SIMC1: variants seen among roughly 807,000 people sequenced by gnomAD.
SIMC1 encodes SUMO-interacting motif-containing protein 1.
A neutral mutation model predicts 82.3 loss-of-function variants in SIMC1; 55 were observed. That is an observed-to-expected ratio of 0.67 (90% CI 0.54 to 0.84). The LOEUF is 0.84. Among genes scored for constraint, SIMC1 ranks in the 40% least tolerant of loss-of-function variants. The pLI is 0.00. For synonymous variants in SIMC1, 353 were observed against 426.3 expected (o/e 0.83, Z 2.12); for missense variants, 915 against 1,107.2 (o/e 0.83, Z 2.46).
At chr5:176,339,951 G>A (rs1336011448) in intron 9 of SIMC1, among the ~76,000 whole-genome samples, 3 of 152,158 alleles carry the variant, frequency 2.0e-5, no homozygotes, top group Admixed American at 1.3e-4. Context: ...TGCCTTCTGC[G>A]AGTGGTCTGT....
intron 5 of SIMC1, among the ~76,000 whole-genome samples, chr5:176,318,125 A>G (rs1227879898): frequency 6.6e-6 from 1 of 152,176 alleles, no homozygotes; most frequent in Non-Finnish European, 1.5e-5. Flanking sequence ...GTGAAGTTAC[A>G]AAGTTATACT....
At chr5:176,313,376 T>C in intron 4 of SIMC1, 1 of 1,528,774 alleles carries the variant, frequency 6.5e-7, no homozygotes. Context: ...GAGATTCCAG[T>C]AGATATCTGA....
Position 176,335,104 on chromosome 5 carries a change from AAAAAAT to A in SIMC1, c.2172-1613_2172-1608del, listed in dbSNP as rs928323296. On this transcript the variant is annotated intron_variant, in intron 7 of 9. Coordinates refer to ENST00000429602, the MANE Select transcript of SIMC1 (RefSeq NM_001308195.2). The stretch of plus-strand genomic sequence containing the variant: ...AGAGCGAAACTCTGTCTCAAAAAAA[AAAAAAT>A]AATAATAATAATCATCACAGTCCTT... 3.9e-4 allele frequency among the ~76,000 whole-genome samples: 39 copies of A among 100,100 alleles called. No homozygotes were observed. In the East Asian group the frequency reaches 4.9e-3, roughly 13 times the overall value. The allele number at this position is 100,100 out of a possible 152,430, so 65.7% of individuals were successfully genotyped here. A position where few individuals can be genotyped will look rare whatever the true frequency, so the allele number is the denominator to read the frequency against.
chr5:176,302,592 T>C (rs1189843840), intron 4 of SIMC1, among the ~76,000 whole-genome samples: 1 of 151,772 alleles, frequency 6.6e-6, no homozygotes, highest in Non-Finnish European at 1.5e-5. Flanking sequence ...GCATCCAAAT[T>C]AGAAAGGGAG....
intron 4 of SIMC1, among the ~76,000 whole-genome samples, chr5:176,306,823 C>T (rs1047217194): frequency 2.6e-5 from 4 of 151,734 alleles, no homozygotes; most frequent in African/African-American, 7.2e-5. Flanking sequence ...CCTTTGTTCA[C>T]TTGTTTATCT....
chr5:176,343,380 T>C (rs1428375448), intron 9 of SIMC1, among the ~76,000 whole-genome samples: 1 of 152,218 alleles, frequency 6.6e-6, no homozygotes, highest in Non-Finnish European at 1.5e-5. Flanking sequence ...CCCAGAACTC[T>C]CTCAATACAT....
At chr5:176,271,719 G>A (rs931928470) in intron 1 of SIMC1, among the ~76,000 whole-genome samples, 2 of 151,392 alleles carry the variant, frequency 1.3e-5, no homozygotes, top group Admixed American at 1.3e-4. Flanking sequence ...ATGACTGAGG[G>A]AGTACAATTG....
chr5:176,269,802 G>T (rs1762348151), intron 1 of SIMC1, among the ~76,000 whole-genome samples: 1 of 152,120 alleles, frequency 6.6e-6, no homozygotes, highest in Non-Finnish European at 1.5e-5. Context: ...CTGGAGTGCA[G>T]TGGTGACCCC....
intron 1 of SIMC1, among the ~76,000 whole-genome samples, chr5:176,248,674 G>A (rs1416224372): frequency 1.3e-5 from 2 of 152,082 alleles, no homozygotes; most frequent in African/African-American, 4.8e-5. Flanking sequence ...GGGCATCCTT[G>A]TCTTGTGCTG....
chr5:176,273,496 A>G (rs947175690), intron 1 of SIMC1, among the ~76,000 whole-genome samples: 1 of 152,136 alleles, frequency 6.6e-6, no homozygotes, highest in African/African-American at 2.4e-5. Context: ...CAGAGCAGAA[A>G]AGCTGAAAAA....
chr5:176,308,123 G>T, intron 4 of SIMC1: 3 of 922,784 alleles, frequency 3.3e-6, no homozygotes, highest in Non-Finnish European at 1.8e-6. Flanking sequence ...CACTTTCCTT[G>T]TTTGTCTCAA....
intron 1 of SIMC1, among the ~76,000 whole-genome samples, chr5:176,268,269 T>G: frequency 1.1e-5 from 1 of 94,326 alleles, no homozygotes; most frequent in Non-Finnish European, 2.1e-5. Context: ...ATAGAAGAAA[T>G]AGGAAAGAGA....
At chr5:176,329,685 T>C (rs1479314583) in intron 7 of SIMC1, among the ~76,000 whole-genome samples, 1 of 152,156 alleles carries the variant, frequency 6.6e-6, no homozygotes, top group East Asian at 1.9e-4. Context: ...CAAAATGAAC[T>C]GAACTCTAGT....
chr5:176,249,840 T>C (rs1453778933), intron 1 of SIMC1, among the ~76,000 whole-genome samples: 2 of 32,614 alleles, frequency 6.1e-5, no homozygotes, highest in African/African-American at 1.9e-4. Flanking sequence ...CGAGATTCCG[T>C]CTCAAAAAAA....
chr5:176,306,792 T>A (rs1581286736), intron 4 of SIMC1, among the ~76,000 whole-genome samples: 2 of 151,522 alleles, frequency 1.3e-5, no homozygotes, highest in African/African-American at 4.8e-5. Context: ...CGCAGGGTCC[T>A]CTGCCTAGGA....
At chr5:176,325,586 T>C (rs1201770654) in intron 7 of SIMC1, among the ~76,000 whole-genome samples, 1 of 151,398 alleles carries the variant, frequency 6.6e-6, no homozygotes, top group Non-Finnish European at 1.5e-5. Context: ...CTCAGGAGGC[T>C]GAGGCAGGAG....
chr5:176,290,606 G>C lies in SIMC1; in HGVS notation c.1082G>C (p.Arg361Thr). The C allele has an allele frequency of 1.2e-6, 2 of 1,613,974 alleles. No homozygotes were observed. The highest frequency in any genetic ancestry group is 1.7e-6 in the Non-Finnish European group (2 of 1,179,898). ...TCAGGGGACGTGACACACTCACCTA[G>C]AGACATCCCTCACTTACCAGGAGAC... ...HSSGDVTHSP[R>T]DIPHLPGDRP... The change falls in exon 2 of 10, where the codon AGA becomes ACA. Residue 361 changes from arginine (R) to threonine (T), a missense_variant. Arg to Thr is a moderately conservative substitution (Grantham distance 71, BLOSUM62 -1). This residue lies in a region of SIMC1 where 902 missense variants were observed against 1,040.3 expected (regional missense o/e 0.87). Transcript: ENST00000429602.
chr5:176,304,933 G>C (rs975614565), intron 4 of SIMC1, among the ~76,000 whole-genome samples: 1 of 121,896 alleles, frequency 8.2e-6, no homozygotes, highest in African/African-American at 3.1e-5. Context: ...TGAGAAGTGA[G>C]GAGACCCTCT....
At position 176,243,766 on chromosome 5, in the gene SIMC1, G is replaced by T. The variant is rs372566182; in HGVS notation, c.129+5129G>T. ...GATCTCCTGACCTCATGATCCACCC[G>T]CCTCGGCCTCCCAAAGTGCTGGGAT... On this transcript the variant is annotated intron_variant, in intron 1 of 9. Transcript: ENST00000429602. Among the ~76,000 whole-genome samples, 12 of 152,080 alleles carry T rather than the reference G, an allele frequency of 7.9e-5. No individual in the cohort carries two copies. In the East Asian group the frequency reaches 1.4e-3, roughly 17 times the overall value.
Sources: allele counts gnomAD v4.1 joint callset (sites outside exome capture counted in the v4.1 genomes callset), GRCh38; gene constraint gnomAD v4.1.1; regional missense constraint gnomAD v4.1.1; transcripts MANE v1.5; gene names NCBI Gene and HGNC (gene_info 2026-07-23, HGNC 2026-07-21).